Variants in AUTS2 observed in about 807,000 individuals in gnomAD.
The protein encoded by AUTS2 is autism susceptibility gene 2 protein.
AUTS2 carries 17 observed loss-of-function variants against 112.4 expected under a neutral mutation model. The observed-to-expected ratio is 0.15, with a 90% CI of 0.10 to 0.23. The LOEUF is 0.23. Ranked by LOEUF, AUTS2 falls within the 10% of genes least tolerant of loss-of-function variation. AUTS2 has a pLI of 1.00. For synonymous variants in AUTS2, 751 were observed against 702.7 expected, an observed-to-expected ratio of 1.07 and a Z score of -1.09; for missense variants, 1,510 against 1,701.6, an observed-to-expected ratio of 0.89 and a Z score of 1.98.
chr7:70,622,901 A>G (rs1283789070), intron 5 of AUTS2, among the ~76,000 whole-genome samples: 2 of 152,316 alleles, frequency 1.3e-5, no homozygotes, highest in African/African-American at 4.8e-5. Flanking sequence ...GTTGGCCAAA[A>G]TGATACCCAG....
intron 2 of AUTS2, among the ~76,000 whole-genome samples, chr7:70,053,544 G>GTTTGTTTTTTTTTTTT (rs1801849869): frequency 7.8e-6 from 1 of 127,848 alleles, no homozygotes; most frequent in African/African-American, 3.1e-5. Flanking sequence ...GTTTTGGGTG[G>GTTTGTTTTTTTTTTTT]TTTTTTTTTT....
intron 14 of AUTS2, among the ~76,000 whole-genome samples, chr7:70,781,187 C>A (rs1247339553): frequency 4.6e-5 from 7 of 151,850 alleles, no homozygotes; most frequent in Non-Finnish European, 8.8e-5. Context: ...ATGGTGAAAC[C>A]CCATATCGAC....
chr7:70,720,606 A>G (rs1056345013), intron 6 of AUTS2, among the ~76,000 whole-genome samples: 3 of 152,072 alleles, frequency 2.0e-5, no homozygotes, highest in Admixed American at 6.6e-5. Context: ...TCCCTCTAAA[A>G]AGGTCCTGTT....
intron 4 of AUTS2, among the ~76,000 whole-genome samples, chr7:70,208,743 A>C (rs541698685): frequency 6.6e-6 from 1 of 151,766 alleles, no homozygotes; most frequent in Non-Finnish European, 1.5e-5. Flanking sequence ...AGTTAAGGGG[A>C]GGCCTTTTGC....
chr7:69,974,074 T>C lies in AUTS2; in HGVS notation c.522+74576T>C, dbSNP rs556295128. ...GGTCTGGAAACGTCTTTTTTAGATA[T>C]TGTTAATTTAAGAAATTAAATTTTC... is the stretch of plus-strand genomic sequence containing the variant. On this transcript the variant is annotated intron_variant, in intron 2 of 18. Coordinates refer to ENST00000342771, the MANE Select transcript of AUTS2 (RefSeq NM_015570.4). Among the ~76,000 whole-genome samples the C allele has an allele frequency of 8.5e-5, 13 of 152,122 alleles. No homozygotes were observed. The South Asian group carries it at 2.7e-3, about 32-fold the overall frequency.
intron 5 of AUTS2, among the ~76,000 whole-genome samples, chr7:70,545,084 A>C (rs1800716697): frequency 6.6e-6 from 1 of 152,216 alleles, no homozygotes. Flanking sequence ...GTGATTCGGG[A>C]AACAGTATTT....
At chr7:70,459,462 G>A (rs1355961273) in intron 5 of AUTS2, among the ~76,000 whole-genome samples, 2 of 152,168 alleles carry the variant, frequency 1.3e-5, no homozygotes, top group African/African-American at 4.8e-5. Flanking sequence ...TTCAAGGCCA[G>A]CTCACCACTC....
At chr7:70,058,820 A>G (rs1316856583) in intron 2 of AUTS2, among the ~76,000 whole-genome samples, 1 of 152,160 alleles carries the variant, frequency 6.6e-6, no homozygotes, top group Non-Finnish European at 1.5e-5. Context: ...TATGTAGAAG[A>G]TTTTTACATA....
chr7:70,378,008 C>A (rs1459001605), intron 4 of AUTS2, among the ~76,000 whole-genome samples: 1 of 151,776 alleles, frequency 6.6e-6, no homozygotes, highest in Admixed American at 6.6e-5. Context: ...GATCTCCTGA[C>A]CTTGTGATCC....
At chr7:70,221,272 T>A (rs1811471638) in intron 4 of AUTS2, among the ~76,000 whole-genome samples, 1 of 152,236 alleles carries the variant, frequency 6.6e-6, no homozygotes, top group African/African-American at 2.4e-5. Flanking sequence ...TTATTTTAAA[T>A]TAAATTTCAG....
At chr7:70,143,267 C>G (rs1447994125) in intron 4 of AUTS2, among the ~76,000 whole-genome samples, 1 of 152,196 alleles carries the variant, frequency 6.6e-6, no homozygotes, top group Non-Finnish European at 1.5e-5. Context: ...GTTTGAGACA[C>G]TTCACTTATC....
intron 1 of AUTS2, among the ~76,000 whole-genome samples, chr7:69,826,702 T>C (rs1791263132): frequency 6.6e-6 from 1 of 152,222 alleles, no homozygotes. Context: ...TTTAGTCTAT[T>C]GTAAGTGTGA....
intron 5 of AUTS2, among the ~76,000 whole-genome samples, chr7:70,483,565 G>A (rs556304648): frequency 1.3e-5 from 2 of 152,296 alleles, no homozygotes; most frequent in African/African-American, 4.8e-5. Context: ...GCGGCTCTCT[G>A]GTTTGTCATT....
intron 4 of AUTS2, among the ~76,000 whole-genome samples, chr7:70,252,906 G>A (rs1374742999): frequency 6.6e-6 from 1 of 152,076 alleles, no homozygotes; most frequent in Non-Finnish European, 1.5e-5. Flanking sequence ...AAGTGTGTGG[G>A]TTTATGTCTG....
At chr7:70,678,346 A>T (rs544943572) in intron 5 of AUTS2, among the ~76,000 whole-genome samples, 1 of 152,184 alleles carries the variant, frequency 6.6e-6, no homozygotes, top group East Asian at 1.9e-4. Flanking sequence ...GGATTTAAGG[A>T]AAGATTTTGA....
intron 6 of AUTS2, among the ~76,000 whole-genome samples, chr7:70,711,795 G>A (rs1321012425): frequency 2.0e-5 from 3 of 152,214 alleles, no homozygotes; most frequent in Non-Finnish European, 2.9e-5. Flanking sequence ...AGGAGGCTGT[G>A]TTTGGCAGTA....
chr7:69,861,427 G>GCACA (rs1251568898), intron 1 of AUTS2, among the ~76,000 whole-genome samples: 1 of 152,144 alleles, frequency 6.6e-6, no homozygotes, highest in African/African-American at 2.4e-5. Flanking sequence ...TGTGAAAAAT[G>GCACA]CACACACTGT....
intron 2 of AUTS2, among the ~76,000 whole-genome samples, chr7:70,031,580 G>A (rs1800782537): frequency 1.3e-5 from 2 of 152,154 alleles, no homozygotes; most frequent in African/African-American, 4.8e-5. Context: ...ATAGCTCAGT[G>A]AAGATGGATT....
At chr7:69,678,785 G>C (rs554856282) in intron 1 of AUTS2, among the ~76,000 whole-genome samples, 1 of 152,350 alleles carries the variant, frequency 6.6e-6, no homozygotes, top group South Asian at 2.1e-4. Flanking sequence ...TTTACGCTCT[G>C]TGCTGCCCTC....
Sources: allele counts gnomAD v4.1 joint callset (sites outside exome capture counted in the v4.1 genomes callset), GRCh38; gene constraint gnomAD v4.1.1; transcripts MANE v1.5; gene names NCBI Gene and HGNC (gene_info 2026-07-23, HGNC 2026-07-21).